The following TIMP3 variants were observed in gnomAD, a reference collection of about 807,000 sequenced individuals.
The protein encoded by TIMP3 is metalloproteinase inhibitor 3.
TIMP3 carries 11 observed loss-of-function variants against 30.0 expected under a neutral mutation model. The ratio of observed to expected loss-of-function variants is 0.37; its 90% CI spans 0.23 to 0.61. TIMP3 has a LOEUF of 0.61. TIMP3 is among the 20% of genes least tolerant of loss of function. The pLI, the probability that TIMP3 is intolerant of heterozygous loss-of-function variation, is 0.70. For missense variants in TIMP3, 181 were observed against 276.8 expected (o/e 0.65, Z 2.45); for synonymous variants, 112 against 111.3 (o/e 1.01, Z -0.04).
intron 1 of TIMP3, among the ~76,000 whole-genome samples, chr22:32,815,840 C>A (rs1478245596): frequency 1.3e-5 from 2 of 152,158 alleles, no homozygotes; most frequent in Non-Finnish European, 2.9e-5. Context: ...CCAATTCTGC[C>A]CACGGTCACC....
intron 1 of TIMP3, among the ~76,000 whole-genome samples, chr22:32,834,477 A>G (rs1454607175): frequency 1.3e-5 from 2 of 152,074 alleles, no homozygotes; most frequent in Non-Finnish European, 1.5e-5. Context: ...CCACCTTTTG[A>G]TAGGAGCCTC....
chr22:32,831,981 C>T (rs1402403590), intron 1 of TIMP3, among the ~76,000 whole-genome samples: 3 of 152,210 alleles, frequency 2.0e-5, no homozygotes, highest in African/African-American at 4.8e-5. Flanking sequence ...GGCAGGCTGT[C>T]GGCATTGTTA....
chr22:32,857,146 T>G lies in TIMP3; in HGVS notation c.205-103T>G, dbSNP rs2048391871. 4.6e-6 allele frequency: 4 copies of G among 877,842 alleles called. No individual in the cohort carries two copies. The South Asian group carries it at 5.4e-5, about 12-fold the overall frequency. The allele number at this position is 877,842 out of a possible 1,614,324, so 54.4% of individuals were successfully genotyped here. On this transcript the variant is annotated intron_variant, in intron 2 of 4. Coordinates refer to ENST00000266085, the MANE Select transcript of TIMP3 (RefSeq NM_000362.5). ...GAGAGTGCAGACCCCTCTTCCATAT[T>G]CCGATTTCCTTTCCTTTGGATACAT... is the stretch of plus-strand genomic sequence containing the variant.
Position 32,802,096 on chromosome 22 carries a change from A to T in TIMP3, c.95A>T (p.Gln32Leu). 1 of 1,581,292 alleles carries T rather than the reference A, an allele frequency of 6.3e-7. No homozygotes were observed. The highest frequency in any genetic ancestry group is 8.6e-7 in the Non-Finnish European group (1 of 1,168,862). Reference protein sequence around the residue: ...EACTCSPSHPQDAFCNSDIVI... With the variant: ...EACTCSPSHPLDAFCNSDIVI... ...TGCACATGCTCGCCCAGCCACCCCCAGGACGCCTTCTGCAACTCCGACATC... is the reference window on the plus strand; with the variant it reads ...TGCACATGCTCGCCCAGCCACCCCCTGGACGCCTTCTGCAACTCCGACATC... Residue 32 changes from glutamine to leucine, a missense_variant, in exon 1 of 5, where the codon CAG becomes CTG. Transcript: ENST00000266085.
At chr22:32,806,208 G>C (rs969265898) in intron 1 of TIMP3, among the ~76,000 whole-genome samples, 1 of 152,088 alleles carries the variant, frequency 6.6e-6, no homozygotes, top group Non-Finnish European at 1.5e-5. Flanking sequence ...GGGGAGTCAG[G>C]AGACTGGGTC....
chr22:32,855,753 C>T (rs1472446497), intron 2 of TIMP3, among the ~76,000 whole-genome samples: 1 of 152,138 alleles, frequency 6.6e-6, no homozygotes, highest in Non-Finnish European at 1.5e-5. Context: ...GTTGTGACAA[C>T]CAAAATTGTC....
chr22:32,831,913 A>C (rs1436209599), intron 1 of TIMP3, among the ~76,000 whole-genome samples: 1 of 152,192 alleles, frequency 6.6e-6, no homozygotes, highest in Admixed American at 6.5e-5. Context: ...GAAGGGCACT[A>C]AAATTGAGGC....
Position 32,801,975 on chromosome 22 carries a change from G to A in TIMP3, c.-27G>A. On this transcript the variant is annotated 5_prime_UTR_variant, in exon 1 of 5. Coordinates refer to ENST00000266085, the MANE Select transcript of TIMP3 (RefSeq NM_000362.5). This position sits in a 1 kb window ranked among gnomAD's most constrained non-coding sequence, Gnocchi z 4.7. ...GGCAACTTTGGAGAGGCGAGCAGCAGCCCCGGCAGCGGCGGCAGCAGCGGC... is the reference window on the plus strand; with the variant it reads ...GGCAACTTTGGAGAGGCGAGCAGCAACCCCGGCAGCGGCGGCAGCAGCGGC... 1.3e-6 allele frequency: 2 copies of A among 1,580,344 alleles called. No homozygotes were observed. Among genetic ancestry groups the A allele is most frequent in the Middle Eastern group, 1.9e-4 (1 of 5,314 alleles).
chr22:32,848,129 C>G (rs1052035323), intron 1 of TIMP3, among the ~76,000 whole-genome samples: 1 of 152,236 alleles, frequency 6.6e-6, no homozygotes, highest in African/African-American at 2.4e-5. Flanking sequence ...TTTCACACAA[C>G]GTAGAAAGAG....
intron 1 of TIMP3, among the ~76,000 whole-genome samples, chr22:32,840,012 TCCAGGACAGGGCATCC>T (rs2047847483): frequency 6.6e-6 from 1 of 151,330 alleles, no homozygotes; most frequent in Admixed American, 6.6e-5. Context: ...CCCCGGGAGG[TCCAGGACAGGGCATCC>T]CCAGGACAGA....
chr22:32,823,920 G>A (rs1385746467), intron 1 of TIMP3, among the ~76,000 whole-genome samples: 2 of 152,084 alleles, frequency 1.3e-5, no homozygotes, highest in Non-Finnish European at 2.9e-5. Context: ...ATATGTCTAA[G>A]GGTCATGGAG....
intron 1 of TIMP3, among the ~76,000 whole-genome samples, chr22:32,840,904 C>A (rs1190126515): frequency 1.3e-5 from 2 of 152,146 alleles, no homozygotes; most frequent in African/African-American, 2.4e-5. Flanking sequence ...TTCCTAGGAG[C>A]CTTATGTATC....
At chr22:32,820,272 G>T (rs530482837) in intron 1 of TIMP3, among the ~76,000 whole-genome samples, 1 of 146,784 alleles carries the variant, frequency 6.8e-6, no homozygotes, top group African/African-American at 2.6e-5. Flanking sequence ...GCGTGCGCGT[G>T]TGTGTGTGTG....
chr22:32,807,375 TATA>T lies in TIMP3; in HGVS notation c.121+5257_121+5259del, dbSNP rs1426867356. On this transcript the variant is annotated intron_variant, in intron 1 of 4. Coordinates refer to ENST00000266085, the MANE Select transcript of TIMP3 (RefSeq NM_000362.5). ...TATATAATATATAATATATATTATA[TATA>T]ATATATATTATATATAATATATATA... Among the ~76,000 whole-genome samples, 890 of 113,250 alleles carry T rather than the reference TATA, an allele frequency of 7.9e-3. 17 individuals are homozygous for T. The highest frequency in any genetic ancestry group is 0.031 in the African/African-American group (850 of 27,168). The allele number at this position is 113,250 out of a possible 152,430, so 74.3% of individuals were successfully genotyped here.
intron 4 of TIMP3, among the ~76,000 whole-genome samples, chr22:32,858,772 G>T (rs977124850): frequency 6.6e-6 from 1 of 152,136 alleles, no homozygotes; most frequent in Non-Finnish European, 1.5e-5. Context: ...ACAGTTCACT[G>T]AATCTGGTTT....
In TIMP3 at chr22:32,859,462, A is replaced by T; in HGVS notation, c.*85A>T. On this transcript the variant is annotated 3_prime_UTR_variant, in exon 5 of 5. Transcript: ENST00000266085. ...AACTCTTCCCAGATGATGACAATGA[A>T]ATTAGTGCCTGTTTTCTTGCAAATT... is the stretch of plus-strand genomic sequence containing the variant. The T allele has an allele frequency of 6.8e-7, 1 of 1,476,594 alleles. No individual in the cohort carries two copies. Among genetic ancestry groups the T allele is most frequent in the Non-Finnish European group, 9.1e-7 (1 of 1,097,728 alleles). 91.5% of individuals were successfully genotyped at this position (1,476,594 alleles called of 1,614,324 possible). A position where few individuals can be genotyped will look rare whatever the true frequency, so the allele number is the denominator to read the frequency against.
chr22:32,855,743 G>C (rs1432009580), intron 2 of TIMP3, among the ~76,000 whole-genome samples: 1 of 152,114 alleles, frequency 6.6e-6, no homozygotes, highest in Non-Finnish European at 1.5e-5. Context: ...TCTACGAACT[G>C]TTGTGACAAC....
At chr22:32,856,903 A>G (rs1293703388) in intron 2 of TIMP3, among the ~76,000 whole-genome samples, 1 of 152,186 alleles carries the variant, frequency 6.6e-6, no homozygotes, top group Non-Finnish European at 1.5e-5. Flanking sequence ...GAGTGAGAAC[A>G]TGGTGTATTT....
intron 1 of TIMP3, among the ~76,000 whole-genome samples, chr22:32,828,832 G>T (rs2047488635): frequency 6.6e-6 from 1 of 152,174 alleles, no homozygotes; most frequent in Non-Finnish European, 1.5e-5. Flanking sequence ...GTGGGGAGGG[G>T]AGTAGGGGCT....
Sources: allele counts gnomAD v4.1 joint callset (sites outside exome capture counted in the v4.1 genomes callset), GRCh38; gene constraint gnomAD v4.1.1; non-coding constraint Gnocchi (gnomAD v3.1); transcripts MANE v1.5; gene names NCBI Gene and HGNC (gene_info 2026-07-23, HGNC 2026-07-21).